SMIM13: variants seen among roughly 807,000 people sequenced by gnomAD.
SMIM13 encodes UPF0766 protein C6orf228.
In SMIM13, 3 loss-of-function variants were observed where a neutral mutation model predicts 5.9. The observed-to-expected ratio is 0.51, with a 90% confidence interval of 0.23 to 1.31. The LOEUF is 1.31. SMIM13 is among the 40% of genes most tolerant of loss of function. The pLI is 0.18. For synonymous variants in SMIM13, 55 were observed against 46.0 expected, an observed-to-expected ratio of 1.19 and a Z score of -0.79; for missense variants, 85 against 109.9, an observed-to-expected ratio of 0.77 and a Z score of 1.01.
rs544297026 is a variant in SMIM13, at chr6:11,134,594, C to G, written c.268C>G (p.Leu90Val). 20 of 1,546,256 alleles carry G rather than the reference C, an allele frequency of 1.3e-5. No homozygotes were observed. The East Asian group carries it at 4.4e-4, about 34-fold the overall frequency. ...ACCTGCTGATGAAGGCCACAGACCC[C>G]TGACATAGTCCTGTACTTGTGAAGG... is the stretch of plus-strand genomic sequence containing the variant. ...RAPADEGHRP[L>V]T is the part of the protein sequence containing the mutation. The change falls in exon 2 of 2, where the codon CTG becomes GTG. Residue 90 changes from leucine to valine, a missense_variant. By Grantham distance (32) the Leu-to-Val change is conservative (BLOSUM62 1). Coordinates refer to ENST00000416247, the MANE Select transcript of SMIM13 (RefSeq NM_001135575.2).
At chr6:11,131,403 T>C (rs1758448383) in intron 1 of SMIM13, among the ~76,000 whole-genome samples, 2 of 139,532 alleles carry the variant, frequency 1.4e-5, no homozygotes, top group East Asian at 2.0e-4. Context: ...CTTGATGCCA[T>C]TTTTTTTTTT....
At chr6:11,104,336 G>A (rs1227127225) in intron 1 of SMIM13, 9 of 1,551,744 alleles carry the variant, frequency 5.8e-6, no homozygotes, top group African/African-American at 4.1e-5. Context: ...CTATGAAGAT[G>A]TCTGGGGTTA....
In SMIM13 at chr6:11,133,853, G is replaced by A. The variant is rs1031169842; in HGVS notation, c.77-550G>A. On this transcript the variant is annotated intron_variant, in intron 1 of 1. Coordinates refer to ENST00000416247, the MANE Select transcript of SMIM13 (RefSeq NM_001135575.2). Reference sequence around the variant, plus strand: ...ATCTTGAATCTAAGATATTGGTGCCGTGGCTTTAGTCTTTCATCATATAAT... The same window carrying A: ...ATCTTGAATCTAAGATATTGGTGCCATGGCTTTAGTCTTTCATCATATAAT... 4.1e-4 allele frequency among the ~76,000 whole-genome samples: 62 copies of A among 151,396 alleles called. 2 individuals carry two copies. The highest frequency in any genetic ancestry group is 3.4e-3 in the Middle Eastern group (1 of 290).
Position 11,094,206 on chromosome 6 carries a change from C to T in SMIM13, c.-108C>T, listed in dbSNP as rs1757890626. Reference sequence around the variant, plus strand: ...GCGCCAGCCGCCCATGCCGCCCCGGCGCCCAGCCGCGCCTGGCGCCCGCCG... The same window carrying T: ...GCGCCAGCCGCCCATGCCGCCCCGGTGCCCAGCCGCGCCTGGCGCCCGCCG... On this transcript the variant is annotated 5_prime_UTR_variant, in exon 1 of 2. Transcript: ENST00000416247. The T allele has an allele frequency of 2.7e-6, 1 of 369,758 alleles. No individual in the cohort carries two copies. Among genetic ancestry groups the T allele is most frequent in the Non-Finnish European group, 3.8e-6 (1 of 266,304 alleles). The allele number at this position is 369,758 out of a possible 1,614,324, so 22.9% of individuals were successfully genotyped here.
At chr6:11,129,298 C>T (rs375349429) in intron 1 of SMIM13, among the ~76,000 whole-genome samples, 5 of 152,186 alleles carry the variant, frequency 3.3e-5, no homozygotes, top group Admixed American at 3.3e-4. Flanking sequence ...CTTTCTGTGT[C>T]TGACTTATTT....
chr6:11,118,841 T>G lies in SMIM13; in HGVS notation c.77-15562T>G, dbSNP rs530673614. ...TTAGCTTGTTACATGTATTAACTTT[T>G]AATTACCACATACCCTTTGAGAATG... On this transcript the variant is annotated intron_variant, in intron 1 of 1. Coordinates refer to ENST00000416247, the MANE Select transcript of SMIM13 (RefSeq NM_001135575.2). Among the ~76,000 whole-genome samples, 288 of 152,358 alleles carry G rather than the reference T, an allele frequency of 1.9e-3. 1 individual carries two copies. The highest frequency in any genetic ancestry group is 6.7e-3 in the African/African-American group (278 of 41,590).
chr6:11,116,982 C>CTT (rs68092921), intron 1 of SMIM13, among the ~76,000 whole-genome samples: 598 of 46,452 alleles, frequency 0.013, 177 homozygotes, highest in East Asian at 0.047. Flanking sequence ...ATAATTGTTT[C>CTT]TTTTTTTTTT....
At chr6:11,122,970 A>G (rs1758330048) in intron 1 of SMIM13, among the ~76,000 whole-genome samples, 1 of 152,144 alleles carries the variant, frequency 6.6e-6, no homozygotes, top group African/African-American at 2.4e-5. Context: ...GCACCTTGAG[A>G]GGCCAAGGCG....
At chr6:11,124,613 A>G (rs1758352328) in intron 1 of SMIM13, among the ~76,000 whole-genome samples, 1 of 152,086 alleles carries the variant, frequency 6.6e-6, no homozygotes, top group South Asian at 2.1e-4. Context: ...TTACTAATTT[A>G]TGTACACAGT....
At chr6:11,110,588 A>G (rs1758152126) in intron 1 of SMIM13, among the ~76,000 whole-genome samples, 2 of 152,136 alleles carry the variant, frequency 1.3e-5, no homozygotes, top group Non-Finnish European at 2.9e-5. Context: ...ATGGAGGAAA[A>G]TTTGTATTTG....
At chr6:11,115,242 G>T (rs542651310) in intron 1 of SMIM13, among the ~76,000 whole-genome samples, 5 of 152,294 alleles carry the variant, frequency 3.3e-5, no homozygotes, top group African/African-American at 1.2e-4. Flanking sequence ...AAATTTAGCA[G>T]CTTAAGACAA....
intron 1 of SMIM13, among the ~76,000 whole-genome samples, chr6:11,116,284 G>A (rs1758239744): frequency 6.6e-6 from 1 of 152,192 alleles, no homozygotes; most frequent in African/African-American, 2.4e-5. Context: ...TTCCCAAAGT[G>A]CTGGGATTAT....
chr6:11,108,806 G>A (rs1187483105), intron 1 of SMIM13, among the ~76,000 whole-genome samples: 2 of 152,206 alleles, frequency 1.3e-5, no homozygotes, highest in Middle Eastern at 3.2e-3. Context: ...TGTTGTTTGA[G>A]TTAGGGAAAT....
rs141394258 is a variant in SMIM13, at chr6:11,118,334, G to A, written c.77-16069G>A. ...GCTTTTGCTATACAGTAGCTACTAT[G>A]TTATATAGTAGGACTCTTCAGAGCA... is the stretch of plus-strand genomic sequence containing the variant. On this transcript the variant is annotated intron_variant, in intron 1 of 1. Transcript: ENST00000416247. Among the ~76,000 whole-genome samples the A allele has an allele frequency of 5.9e-5, 9 of 152,342 alleles. No individual in the cohort carries two copies. The East Asian group carries it at 1.3e-3, about 23-fold the overall frequency.
At chr6:11,108,234 G>T (rs561894636) in intron 1 of SMIM13, among the ~76,000 whole-genome samples, 2 of 152,340 alleles carry the variant, frequency 1.3e-5, no homozygotes, top group South Asian at 2.1e-4. Context: ...CTCCCAGGAG[G>T]ATAATTGCCT....
chr6:11,112,475 A>G (rs937013860), intron 1 of SMIM13, among the ~76,000 whole-genome samples: 8 of 151,404 alleles, frequency 5.3e-5, no homozygotes, highest in African/African-American at 1.9e-4. Flanking sequence ...CTGATCTTGA[A>G]CTCCTGACCT....
intron 1 of SMIM13, among the ~76,000 whole-genome samples, chr6:11,110,891 C>G (rs549827177): frequency 6.3e-4 from 96 of 152,240 alleles, no homozygotes; most frequent in African/African-American, 2.2e-3. Context: ...TGGGTGGGGT[C>G]CTTAAGGGCT....
intron 1 of SMIM13, among the ~76,000 whole-genome samples, chr6:11,133,232 G>A (rs756235444): frequency 6.6e-6 from 1 of 152,140 alleles, no homozygotes; most frequent in African/African-American, 2.4e-5. Context: ...AAAGTTGGGT[G>A]CTTTACTCAA....
In SMIM13 at chr6:11,135,902, A is replaced by C. The variant is rs2113673292; in HGVS notation, c.*1300A>C. The C allele has an allele frequency of 6.6e-6, 1 of 152,334 alleles. No homozygotes were observed. The highest frequency in any genetic ancestry group is 1.5e-5 in the Non-Finnish European group (1 of 68,026). 9.4% of individuals were successfully genotyped at this position (152,334 alleles called of 1,614,324 possible). On this transcript the variant is annotated 3_prime_UTR_variant, in exon 2 of 2. Transcript: ENST00000416247. ...TAACAATTGGTAGTGTCTTAGGTTA[A>C]ATTAAAAATGGTAGCTTGTAAATTT...
Sources: gnomAD v4.1 joint callset for allele counts (sites outside exome capture counted in the v4.1 genomes callset) on GRCh38, gnomAD v4.1.1 for gene constraint, MANE v1.5 for transcripts, NCBI Gene and HGNC (gene_info 2026-07-23, HGNC 2026-07-21) for gene names.